The following CYP20A1 variants were observed in gnomAD, a reference collection of about 807,000 sequenced individuals.
The protein encoded by CYP20A1 is cytochrome P450 family 20 subfamily A member 1, also known as cytochrome P450 20A1.
A neutral mutation model predicts 61.4 loss-of-function variants in CYP20A1; 61 were observed. The ratio of observed to expected loss-of-function variants is 0.99; its 90% CI spans 0.81 to 1.23. The LOEUF is 1.23. Among genes scored for constraint, CYP20A1 ranks in the 50% most tolerant of loss-of-function variants. The pLI, the probability that CYP20A1 is intolerant of heterozygous loss-of-function variation, is 0.00. For missense variants in CYP20A1, 530 were observed against 542.4 expected, an observed-to-expected ratio of 0.98 and a Z score of 0.23; for synonymous variants, 193 against 188.2, an observed-to-expected ratio of 1.03 and a Z score of -0.21.
intron 3 of CYP20A1, among the ~76,000 whole-genome samples, chr2:203,249,064 A>C (rs1374650728): frequency 6.6e-6 from 1 of 152,218 alleles, no homozygotes; most frequent in Non-Finnish European, 1.5e-5. Context: ...ATATCAGGTC[A>C]TAAAGGTAAT....
At chr2:203,243,891 T>C (rs947673656) in intron 1 of CYP20A1, among the ~76,000 whole-genome samples, 1 of 151,920 alleles carries the variant, frequency 6.6e-6, no homozygotes, top group African/African-American at 2.4e-5. Flanking sequence ...GGTTTCCCCG[T>C]GTTGCACAAG....
At chr2:203,288,209 G>T (rs181802046) in intron 9 of CYP20A1, among the ~76,000 whole-genome samples, 2 of 151,314 alleles carry the variant, frequency 1.3e-5, no homozygotes, top group East Asian at 3.9e-4. Flanking sequence ...GGAATTACAG[G>T]CATGCACCAC....
chr2:203,302,601 T>A lies in CYP20A1; in HGVS notation c.*5693T>A, dbSNP rs2069064304. 6.6e-6 allele frequency among the ~76,000 whole-genome samples: 1 copy of A among 152,192 alleles called. No homozygotes were observed. Among genetic ancestry groups the A allele is most frequent in the Admixed American group, 6.6e-5 (1 of 15,262 alleles). On this transcript the variant is annotated 3_prime_UTR_variant, in exon 13 of 13. Coordinates refer to ENST00000356079, the MANE Select transcript of CYP20A1 (RefSeq NM_177538.3). The stretch of plus-strand genomic sequence containing the variant: ...TATATATATTATACAAAATATTATT[T>A]GCATTTAACATATTCTGAACCAATA...
chr2:203,292,171 C>G (rs1364096539), intron 10 of CYP20A1, 91 bp from the exon 11 acceptor site: 1 of 705,502 alleles, frequency 1.4e-6, no homozygotes, highest in South Asian at 2.0e-5. Flanking sequence ...TATTCAATAT[C>G]TATATTAAAA....
chr2:203,239,470 GCTTTTTGGCCATAA>G (rs2066169692), intron 1 of CYP20A1, among the ~76,000 whole-genome samples: 1 of 152,232 alleles, frequency 6.6e-6, no homozygotes, highest in African/African-American at 2.4e-5. Context: ...ACTTTGGGCA[GCTTTTTGGCCATAA>G]CTCGCCAAAC....
rs1437030402 is a variant in CYP20A1, at chr2:203,239,199, A to G, written c.72+65A>G. ...CCCAGTCTCTCTGTCGCCGGCATCC[A>G]GGCCAACCTGCCCGCTGCGGGCCGC... is the stretch of plus-strand genomic sequence containing the variant. On this transcript the variant is annotated intron_variant, in intron 1 of 12. Coordinates refer to ENST00000356079, the MANE Select transcript of CYP20A1 (RefSeq NM_177538.3). 5 of 1,378,672 alleles carry G rather than the reference A, an allele frequency of 3.6e-6. No individual in the cohort carries two copies. The African/African-American group carries it at 4.3e-5, about 12-fold the overall frequency. The allele number at this position is 1,378,672 out of a possible 1,614,324, so 85.4% of individuals were successfully genotyped here.
At chr2:203,294,392 C>T (rs2068681760) in intron 11 of CYP20A1, among the ~76,000 whole-genome samples, 1 of 151,596 alleles carries the variant, frequency 6.6e-6, no homozygotes, top group African/African-American at 2.4e-5. Context: ...GCAAAATTAG[C>T]CAGGTGTGGT....
At chr2:203,294,371 C>A (rs2068681204) in intron 11 of CYP20A1, among the ~76,000 whole-genome samples, 1 of 151,514 alleles carries the variant, frequency 6.6e-6, no homozygotes, top group Admixed American at 6.6e-5. Flanking sequence ...AACCCCTTCT[C>A]TACTAAAAAT....
Position 203,280,077 on chromosome 2 carries a change from A to G in CYP20A1, c.814A>G (p.Ile272Val). The G allele has an allele frequency of 3.1e-6, 5 of 1,607,932 alleles. No individual in the cohort carries two copies. The highest frequency in any genetic ancestry group is 3.4e-6 in the Non-Finnish European group (4 of 1,177,592). ...TTCCTAGATCCTAGAAGACAGTATG[A>G]TATTTTCTCTGGCCAGTTGCATAAT... ...NDQQILEDSM[I>V]FSLASCIITA... The change falls in exon 8 of 13, where the codon ATA becomes GTA. Residue 272 changes from isoleucine to valine, a missense_variant. By Grantham distance (29) the Ile-to-Val change is conservative. Transcript: ENST00000356079.
chr2:203,283,967 T>C (rs1488325919), intron 8 of CYP20A1, among the ~76,000 whole-genome samples: 1 of 152,212 alleles, frequency 6.6e-6, no homozygotes, highest in Non-Finnish European at 1.5e-5. Context: ...TTGTGTGACA[T>C]ACATATTGTA....
At chr2:203,270,314 T>G (rs2067511104) in intron 5 of CYP20A1, among the ~76,000 whole-genome samples, 1 of 152,152 alleles carries the variant, frequency 6.6e-6, no homozygotes, top group Non-Finnish European at 1.5e-5. Context: ...ACTTGGGTTT[T>G]TTTTTATGTC....
chr2:203,290,004 G>C (rs908492970), intron 10 of CYP20A1, 128 bp downstream of exon 10: 1 of 350,234 alleles, frequency 2.9e-6, no homozygotes, highest in Non-Finnish European at 5.2e-6. Context: ...GCAATGGCGC[G>C]ATCTTGGCTC....
At chr2:203,277,305 G>A (rs1413578444) in intron 6 of CYP20A1, among the ~76,000 whole-genome samples, 3 of 150,952 alleles carry the variant, frequency 2.0e-5, no homozygotes, top group Non-Finnish European at 2.9e-5. Flanking sequence ...CTGAGATTGC[G>A]CCACTGCACC....
At chr2:203,260,046 C>G (rs1300966865) in intron 4 of CYP20A1, 1 of 151,670 alleles carries the variant, frequency 6.6e-6, no homozygotes, top group African/African-American at 2.4e-5. Context: ...TCAGCCTCAG[C>G]TTCCTGAGTA....
intron 8 of CYP20A1, among the ~76,000 whole-genome samples, chr2:203,283,848 G>T (rs1288403285): frequency 5.3e-5 from 8 of 151,986 alleles, no homozygotes; most frequent in Non-Finnish European, 1.2e-4. Flanking sequence ...CATCCGGCCT[G>T]TTATATTAAT....
chr2:203,282,073 T>C (rs915394837), intron 8 of CYP20A1, among the ~76,000 whole-genome samples: 1 of 150,292 alleles, frequency 6.7e-6, no homozygotes, highest in African/African-American at 2.5e-5. Flanking sequence ...GTTTTGCTCT[T>C]GTCACCCAGG....
intron 1 of CYP20A1, among the ~76,000 whole-genome samples, chr2:203,243,845 C>T (rs2066350064): frequency 6.6e-6 from 1 of 151,806 alleles, no homozygotes; most frequent in Non-Finnish European, 1.5e-5. Flanking sequence ...CTGGCCACTG[C>T]ACCCGGCGAA....
intron 6 of CYP20A1, among the ~76,000 whole-genome samples, chr2:203,278,087 C>A (rs546450244): frequency 1.3e-5 from 2 of 152,122 alleles, no homozygotes; most frequent in East Asian, 3.9e-4. Flanking sequence ...ACCGGCCTGG[C>A]CAACATGGTG....
chr2:203,239,338 G>T (rs889419386), intron 1 of CYP20A1, among the ~76,000 whole-genome samples: 14 of 152,048 alleles, frequency 9.2e-5, no homozygotes, highest in African/African-American at 3.4e-4. Flanking sequence ...CGTGGGCTGC[G>T]TCGCTACCCC....
Sources: gnomAD v4.1 joint callset for allele counts (sites outside exome capture counted in the v4.1 genomes callset) on GRCh38, gnomAD v4.1.1 for gene constraint, MANE v1.5 for transcripts, NCBI Gene and HGNC (gene_info 2026-07-23, HGNC 2026-07-21) for gene names.